TRIP13: variants seen among roughly 807,000 people sequenced by gnomAD.
TRIP13 encodes pachytene checkpoint protein 2 homolog.
In TRIP13, 25 loss-of-function variants were observed where a neutral mutation model predicts 54.4. The observed-to-expected ratio is 0.46, with a 90% CI of 0.33 to 0.64. The LOEUF is 0.64. Ranked by LOEUF, TRIP13 falls within the 30% of genes least tolerant of loss-of-function variation. TRIP13 has a pLI of 0.02. For missense variants in TRIP13, 373 were observed against 534.2 expected (o/e 0.70, Z 2.97); for synonymous variants, 207 against 207.8 (o/e 1.00, Z 0.03).
chr5:910,631 G>A (rs542488681), intron 9 of TRIP13, among the ~76,000 whole-genome samples: 1 of 152,272 alleles, frequency 6.6e-6, no homozygotes, highest in East Asian at 1.9e-4. Context: ...GAAGAAACAA[G>A]GAGACACGCT....
intron 4 of TRIP13, 25 bp from the exon 5 acceptor site, chr5:901,315 CA>C: frequency 6.2e-7 from 1 of 1,608,046 alleles, no homozygotes; most frequent in Middle Eastern, 1.7e-4. Flanking sequence ...GTATCTTTGT[CA>C]AGCTCTTTTC....
In TRIP13 at chr5:911,585, A is replaced by AT. The variant is rs1342800759; in HGVS notation, c.867-258_867-257insT. Reference sequence around the variant, plus strand: ...GACTCTGTCTCAAAAAAAAAAAAAAAGGAAAGTGAGATCCTTGCCAAGGTT... The same window carrying AT: ...GACTCTGTCTCAAAAAAAAAAAAAAATGGAAAGTGAGATCCTTGCCAAGGTT... On this transcript the variant is annotated intron_variant, in intron 9 of 12. Transcript: ENST00000166345. The surrounding 1 kb of genome is among the most constrained non-coding windows in gnomAD (Gnocchi z 4.7). Among the ~76,000 whole-genome samples the AT allele has an allele frequency of 6.6e-6, 1 of 150,940 alleles. No individual in the cohort carries two copies. Among genetic ancestry groups the AT allele is most frequent in the Non-Finnish European group, 1.5e-5 (1 of 67,798 alleles).
intron 6 of TRIP13, among the ~76,000 whole-genome samples, chr5:904,602 C>A (rs932248324): frequency 6.6e-6 from 1 of 152,182 alleles, no homozygotes; most frequent in Non-Finnish European, 1.5e-5. Flanking sequence ...CCTTGACCCT[C>A]CCCTTTATCT....
At position 911,018 on chromosome 5, in the gene TRIP13, G is replaced by C. The variant is rs978275692; in HGVS notation, c.867-825G>C. ...CCACATGTGCAGCCACGCCCCCCAGGCCTGTGCAGCATGCTCCCTGGGGGC... is the reference window on the plus strand; with the variant it reads ...CCACATGTGCAGCCACGCCCCCCAGCCCTGTGCAGCATGCTCCCTGGGGGC... On this transcript the variant is annotated intron_variant, in intron 9 of 12. Transcript: ENST00000166345. The surrounding 1 kb of genome is among the most constrained non-coding windows in gnomAD (Gnocchi z 4.7). Among the ~76,000 whole-genome samples the C allele has an allele frequency of 1.3e-5, 2 of 152,238 alleles. No homozygotes were observed. The highest frequency in any genetic ancestry group is 2.9e-5 in the Non-Finnish European group (2 of 68,042).
At chr5:906,953 A>T (rs1017386728) in intron 6 of TRIP13, among the ~76,000 whole-genome samples, 177 bp from the exon 7 acceptor site, 2 of 152,212 alleles carry the variant, frequency 1.3e-5, no homozygotes, top group African/African-American at 4.8e-5. Flanking sequence ...GAATCTTGTT[A>T]GACTTTTTCA....
intron 3 of TRIP13, 136 bp from the exon 4 acceptor site, chr5:900,358 T>TAAAA: frequency 1.2e-6 from 1 of 827,316 alleles, no homozygotes; most frequent in Non-Finnish European, 1.9e-6. Flanking sequence ...AATTTATACT[T>TAAAA]TCCTGTAATC....
chr5:910,355 G>T (rs1033916158), intron 9 of TRIP13, among the ~76,000 whole-genome samples: 5 of 152,164 alleles, frequency 3.3e-5, no homozygotes, highest in African/African-American at 1.2e-4. Flanking sequence ...GCCTGTCTGT[G>T]GCCTTCTCTC....
At chr5:910,490 C>G (rs1754208073) in intron 9 of TRIP13, among the ~76,000 whole-genome samples, 1 of 152,168 alleles carries the variant, frequency 6.6e-6, no homozygotes, top group South Asian at 2.1e-4. Flanking sequence ...ACACTGCTCA[C>G]TGGGCCCCAA....
In TRIP13 at chr5:917,277, G is replaced by T. The variant is rs766047778; in HGVS notation, c.*174G>T. On this transcript the variant is annotated 3_prime_UTR_variant, in exon 13 of 13. Transcript: ENST00000166345. ...GTTAAAAGAAGTGTATTCTATTTAT[G>T]TTGTTTTAAAATGCATACTGAGAGA... The T allele has an allele frequency of 2.6e-5, 15 of 577,480 alleles. No homozygotes were observed. The highest frequency in any genetic ancestry group is 3.9e-5 in the Non-Finnish European group (13 of 330,586). The allele number at this position is 577,480 out of a possible 1,614,324, so 35.8% of individuals were successfully genotyped here. A position where few individuals can be genotyped will look rare whatever the true frequency, so the allele number is the denominator to read the frequency against.
In TRIP13 at chr5:896,758, A is replaced by G. The variant is rs769257728; in HGVS notation, c.352A>G (p.Asn118Asp). The G allele has an allele frequency of 6.2e-7, 1 of 1,613,826 alleles. No homozygotes were observed. The highest frequency in any genetic ancestry group is 1.1e-5 in the South Asian group (1 of 91,052). ...SSENLEEETE[N>D]IIAANHWVLP... ...TGAAAATCTGGAGGAAGAGACAGAA[A>G]ACATAATTGCAGCAAATCACTGGGT... Residue 118 changes from asparagine (N) to aspartate (D), a missense_variant, in exon 3 of 13, where the codon AAC becomes GAC. By Grantham distance (23) the Asn-to-Asp change is conservative. Transcript: ENST00000166345.
rs772757044 is a variant in TRIP13, at chr5:908,441, C to T, written c.846C>T (p.Thr282=). Residue 282 remains threonine, a synonymous_variant, in exon 9 of 13, where the codon ACC becomes ACT. Transcript: ENST00000166345. This position sits in a 1 kb window ranked among gnomAD's most constrained non-coding sequence, Gnocchi z 5.2. ...DAIRVVNAVL[T]QIDQIKRHSN... is the part of the protein sequence containing the mutation. ...TCCGCGTGGTCAATGCTGTCTTGAC[C>T]CAAATTGATCAGATTAAAAGGTAAC... is the stretch of plus-strand genomic sequence containing the variant. 1 of 1,613,756 alleles carries T rather than the reference C, an allele frequency of 6.2e-7. No homozygotes were observed. The highest frequency in any genetic ancestry group is 1.7e-5 in the Admixed American group (1 of 60,024).
Position 913,897 on chromosome 5 carries a change from G to A in TRIP13, c.1021-568G>A, listed in dbSNP as rs963653808. 1.3e-5 allele frequency among the ~76,000 whole-genome samples: 2 copies of A among 152,134 alleles called. No individual in the cohort carries two copies. The highest frequency in any genetic ancestry group is 2.9e-5 in the Non-Finnish European group (2 of 68,034). ...ATTCAGTCATAGTAAGTCAGTGTGC[G>A]CACCTGACTGTTGGCAAGGCTGCTT... On this transcript the variant is annotated intron_variant, in intron 10 of 12. Coordinates refer to ENST00000166345, the MANE Select transcript of TRIP13 (RefSeq NM_004237.4). The surrounding 1 kb of genome is among the most constrained non-coding windows in gnomAD (Gnocchi z 4.5).
rs1414681251 is a variant in TRIP13 at position 913,756 on chromosome 5, G to A, written c.1021-709G>A. Among the ~76,000 whole-genome samples the A allele has an allele frequency of 1.3e-5, 2 of 152,154 alleles. No individual in the cohort carries two copies. Among genetic ancestry groups the A allele is most frequent in the Non-Finnish European group, 2.9e-5 (2 of 68,028 alleles). On this transcript the variant is annotated intron_variant, in intron 10 of 12. Transcript: ENST00000166345. The surrounding 1 kb of genome is among the most constrained non-coding windows in gnomAD (Gnocchi z 4.5). The stretch of plus-strand genomic sequence containing the variant: ...TCTCGAAAGCTCAATATCCCCCAAA[G>A]CACAAGCACAAACTGTCTTAATTTT...
Position 915,013 on chromosome 5 carries a change from G to A in TRIP13, c.1133+436G>A, listed in dbSNP as rs866844925. On this transcript the variant is annotated intron_variant, in intron 11 of 12. Transcript: ENST00000166345. This position sits in a 1 kb window ranked among gnomAD's most constrained non-coding sequence, Gnocchi z 4.2. Reference sequence around the variant, plus strand: ...GCTGGAGCAGTGTGTTCAGGTGACCGTCTAGTGGGTTGCAGTGTGGAGGCT... The same window carrying A: ...GCTGGAGCAGTGTGTTCAGGTGACCATCTAGTGGGTTGCAGTGTGGAGGCT... Among the ~76,000 whole-genome samples, 10 of 152,170 alleles carry A rather than the reference G, an allele frequency of 6.6e-5. No homozygotes were observed. The highest frequency in any genetic ancestry group is 1.0e-4 in the Non-Finnish European group (7 of 68,048).
At chr5:904,056 T>C in intron 5 of TRIP13, 92 bp from the exon 6 acceptor site, 1 of 1,182,822 alleles carries the variant, frequency 8.5e-7, no homozygotes, top group Non-Finnish European at 1.2e-6. Flanking sequence ...ACTGTATTCC[T>C]TATATTTTAT....
At chr5:903,143 A>C (rs1393302603) in intron 5 of TRIP13, among the ~76,000 whole-genome samples, 2 of 151,964 alleles carry the variant, frequency 1.3e-5, no homozygotes, top group African/African-American at 4.8e-5. Flanking sequence ...CCCCGGGGGA[A>C]AGGGAGACTC....
intron 5 of TRIP13, among the ~76,000 whole-genome samples, chr5:902,117 A>G (rs1456997658): frequency 1.3e-5 from 2 of 152,214 alleles, no homozygotes; most frequent in African/African-American, 4.8e-5. Context: ...TGAGGAGTAA[A>G]CTGAAAAAGC....
intron 5 of TRIP13, among the ~76,000 whole-genome samples, chr5:902,000 A>G (rs1434781489): frequency 6.6e-6 from 1 of 152,224 alleles, no homozygotes; most frequent in Non-Finnish European, 1.5e-5. Context: ...CAGATGCCCC[A>G]AACGTGGATA....
chr5:903,213 C>T (rs896158552), intron 5 of TRIP13, among the ~76,000 whole-genome samples: 1 of 152,054 alleles, frequency 6.6e-6, no homozygotes, highest in African/African-American at 2.4e-5. Flanking sequence ...ACCATTAGAC[C>T]ACGGTCAGCT....
Sources: allele counts gnomAD v4.1 joint callset (sites outside exome capture counted in the v4.1 genomes callset), GRCh38; gene constraint gnomAD v4.1.1; non-coding constraint Gnocchi (gnomAD v3.1); transcripts MANE v1.5; gene names NCBI Gene and HGNC (gene_info 2026-07-23, HGNC 2026-07-21).